Variants in VTA1 observed in about 807,000 individuals in gnomAD.
The protein encoded by VTA1 is vesicle trafficking 1.
In VTA1, 24 loss-of-function variants were observed where a neutral mutation model predicts 36.9. The ratio of observed to expected loss-of-function variants is 0.65; its 90% CI spans 0.47 to 0.91. The LOEUF is 0.91. VTA1 is among the 40% of genes least tolerant of loss of function. VTA1 has a pLI of 0.00. For missense variants in VTA1, 393 were observed against 377.2 expected (o/e 1.04, Z -0.35); for synonymous variants, 142 against 130.2 (o/e 1.09, Z -0.62).
intron 1 of VTA1, among the ~76,000 whole-genome samples, chr6:142,160,413 A>T (rs1245690592): frequency 1.3e-5 from 2 of 152,156 alleles, no homozygotes; most frequent in Non-Finnish European, 1.5e-5. Flanking sequence ...CCTGCACACC[A>T]TATGTTAGTA....
At chr6:142,172,521 T>C (rs1433927666) in intron 4 of VTA1, among the ~76,000 whole-genome samples, 2 of 152,240 alleles carry the variant, frequency 1.3e-5, no homozygotes, top group Non-Finnish European at 2.9e-5. Flanking sequence ...CAGAGTCATA[T>C]AAAGGAGAAC....
chr6:142,165,246 G>A (rs1446191007), intron 1 of VTA1, among the ~76,000 whole-genome samples: 1 of 152,142 alleles, frequency 6.6e-6, no homozygotes, highest in Admixed American at 6.5e-5. Context: ...CAAAATGAGT[G>A]CTTGTATATG....
At chr6:142,168,452 A>G (rs1774963093) in intron 2 of VTA1, among the ~76,000 whole-genome samples, 1 of 151,964 alleles carries the variant, frequency 6.6e-6, no homozygotes, top group African/African-American at 2.4e-5. Context: ...CATCTTTGAA[A>G]AAAGCAGTTT....
chr6:142,176,126 A>G (rs1253869764), intron 4 of VTA1, among the ~76,000 whole-genome samples: 1 of 152,176 alleles, frequency 6.6e-6, no homozygotes, highest in Non-Finnish European at 1.5e-5. Flanking sequence ...TGTGGCCAAT[A>G]TTATTGATAG....
chr6:142,181,094 A>AAAAAAAAATATATATATAT (rs1471429927), intron 4 of VTA1, among the ~76,000 whole-genome samples: 2 of 36,424 alleles, frequency 5.5e-5, no homozygotes, highest in Admixed American at 4.0e-4. Context: ...AAAAAAAAAA[A>AAAAAAAAATATATATATAT]ATATATATAT....
chr6:142,169,182 T>C (rs184414910), intron 2 of VTA1, among the ~76,000 whole-genome samples: 84 of 152,316 alleles, frequency 5.5e-4, no homozygotes, highest in Middle Eastern at 6.8e-3. Context: ...TAGAAATTAT[T>C]TTCTAATTCT....
intron 5 of VTA1, 81 bp from the exon 6 acceptor site, chr6:142,198,358 C>T (rs1051774576): frequency 2.3e-6 from 3 of 1,313,926 alleles, no homozygotes; most frequent in Non-Finnish European, 3.1e-6. Flanking sequence ...TTCCATTTGT[C>T]ATGTGTATAA....
chr6:142,192,181 C>T (rs1259711990), intron 5 of VTA1, among the ~76,000 whole-genome samples: 3 of 151,988 alleles, frequency 2.0e-5, no homozygotes, highest in Non-Finnish European at 4.4e-5. Context: ...AAGCAATATG[C>T]ATTCAATAGA....
At position 142,147,338 on chromosome 6, in the gene VTA1, A is replaced by G; in HGVS notation, c.51A>G (p.Ile17Met). The change falls in exon 1 of 8, where the codon ATA becomes ATG. Residue 17 changes from isoleucine to methionine, a missense_variant. Transcript: ENST00000367630. The stretch of plus-strand genomic sequence containing the variant: ...CGCTCCCCGCACAGTTCAAGAGCAT[A>G]CAGCATCATCTGAGGACGGCTCAGG... ...LPPLPAQFKS[I>M]QHHLRTAQEH... 2 of 1,614,208 alleles carry G rather than the reference A, an allele frequency of 1.2e-6. No homozygotes were observed. The highest frequency in any genetic ancestry group is 1.1e-5 in the South Asian group (1 of 91,088).
intron 4 of VTA1, among the ~76,000 whole-genome samples, chr6:142,177,131 T>C (rs1246782606): frequency 1.3e-5 from 2 of 152,212 alleles, no homozygotes; most frequent in Non-Finnish European, 2.9e-5. Flanking sequence ...GCAATTATCA[T>C]AGTAGATAAA....
Position 142,219,180 on chromosome 6 carries a change from CATATT to C in VTA1, c.*539_*543del, listed in dbSNP as rs1456621472. On this transcript the variant is annotated 3_prime_UTR_variant, in exon 8 of 8. Transcript: ENST00000367630. ...TTAAGTTCAAATTTTAATTTATTCTCATATTAAATATAACTCCATTAAAAGTTTAA... is the reference window on the plus strand; with the variant it reads ...TTAAGTTCAAATTTTAATTTATTCTCAAATATAACTCCATTAAAAGTTTAA... The C allele has an allele frequency of 5.9e-5, 9 of 152,136 alleles. No homozygotes were observed. Among genetic ancestry groups the C allele is most frequent in the South Asian group, 2.1e-4 (1 of 4,830 alleles). 9.4% of individuals were successfully genotyped at this position (152,136 alleles called of 1,614,324 possible).
rs185618085 is a variant in VTA1, at chr6:142,223,438, A to T, written c.*4795A>T. ...TCCTAACTAAAAATTCTTCATCTTC[A>T]GGAAATAAGATTGAGATACGGACTG... On this transcript the variant is annotated 3_prime_UTR_variant, in exon 8 of 8. Coordinates refer to ENST00000367630, the MANE Select transcript of VTA1 (RefSeq NM_016485.5). The T allele has an allele frequency of 6.6e-6, 1 of 152,320 alleles. No individual in the cohort carries two copies. The highest frequency in any genetic ancestry group is 2.4e-5 in the African/African-American group (1 of 41,570). The allele number at this position is 152,320 out of a possible 1,614,324, so 9.4% of individuals were successfully genotyped here.
intron 1 of VTA1, among the ~76,000 whole-genome samples, chr6:142,154,956 C>G (rs1582874933): frequency 6.6e-6 from 1 of 151,968 alleles, no homozygotes; most frequent in South Asian, 2.1e-4. Context: ...TTACCGCTTT[C>G]TTTAGATTTA....
intron 4 of VTA1, among the ~76,000 whole-genome samples, chr6:142,171,835 A>T (rs78523007): frequency 0.03 from 4,510 of 152,256 alleles, 144 homozygotes; most frequent in African/African-American, 0.071. Flanking sequence ...TCCCAAACAA[A>T]ACAGAGTACA....
At chr6:142,179,704 GTA>G (rs920793430) in intron 4 of VTA1, among the ~76,000 whole-genome samples, 1 of 152,150 alleles carries the variant, frequency 6.6e-6, no homozygotes, top group African/African-American at 2.4e-5. Context: ...GTTTACCCAG[GTA>G]TATTAATCTG....
At chr6:142,182,214 G>C (rs1036812455) in intron 4 of VTA1, among the ~76,000 whole-genome samples, 3 of 152,196 alleles carry the variant, frequency 2.0e-5, no homozygotes, top group Non-Finnish European at 4.4e-5. Context: ...GTTCCAGGAA[G>C]AGGCAAGAGA....
chr6:142,150,662 A>G (rs1182411178), intron 1 of VTA1, among the ~76,000 whole-genome samples: 3 of 152,190 alleles, frequency 2.0e-5, no homozygotes, highest in Non-Finnish European at 4.4e-5. Flanking sequence ...CTGGTCTTAC[A>G]TTGAAGAAAA....
intron 1 of VTA1, among the ~76,000 whole-genome samples, chr6:142,160,516 A>G (rs747922505): frequency 2.0e-5 from 3 of 151,910 alleles, no homozygotes; most frequent in Non-Finnish European, 4.4e-5. Flanking sequence ...TTAATGTACA[A>G]CTGCCTCAGT....
At chr6:142,174,661 C>A (rs1221492777) in intron 4 of VTA1, among the ~76,000 whole-genome samples, 1 of 152,096 alleles carries the variant, frequency 6.6e-6, no homozygotes, top group African/African-American at 2.4e-5. Flanking sequence ...GGATGTTTGT[C>A]CCTGCCAAAA....
Sources: gnomAD v4.1 joint callset for allele counts (sites outside exome capture counted in the v4.1 genomes callset) on GRCh38, gnomAD v4.1.1 for gene constraint, MANE v1.5 for transcripts, NCBI Gene and HGNC (gene_info 2026-07-23, HGNC 2026-07-21) for gene names.